Variants in LAYN observed in about 807,000 individuals in gnomAD.
LAYN encodes the protein layilin.
A neutral mutation model predicts 43.6 loss-of-function variants in LAYN; 38 were observed. That is an observed-to-expected ratio of 0.87 (90% CI 0.67 to 1.14). The LOEUF is 1.14. LAYN is among the 50% of genes most tolerant of loss of function. LAYN has a pLI of 0.00. For missense variants in LAYN, 479 were observed against 463.8 expected, an observed-to-expected ratio of 1.03 and a Z score of -0.30; for synonymous variants, 168 against 172.9, an observed-to-expected ratio of 0.97 and a Z score of 0.22.
intron 4 of LAYN, 30 bp from the exon 5 acceptor site, chr11:111,555,177 A>T (rs1565272757): frequency 1.3e-6 from 2 of 1,527,052 alleles, no homozygotes; most frequent in African/African-American, 2.7e-5. Flanking sequence ...GCCTTTCTTC[A>T]AGTTCACAAG....
rs1234683254 is a variant in LAYN at position 111,540,939 on chromosome 11, G to T, written c.85+11G>T. 3.9e-6 allele frequency: 6 copies of T among 1,529,854 alleles called. No individual in the cohort carries two copies. Among genetic ancestry groups the T allele is most frequent in the Non-Finnish European group, 4.4e-6 (5 of 1,144,274 alleles). The allele number at this position is 1,529,854 out of a possible 1,614,324, so 94.8% of individuals were successfully genotyped here. A position where few individuals can be genotyped will look rare whatever the true frequency, so the allele number is the denominator to read the frequency against. On this transcript the variant is annotated intron_variant, in intron 1 of 6. Transcript: ENST00000375614. ...GTCGCCTGCTGAGTGGTGAGTGCGC[G>T]CGCTGGGGCGGGGGCTGGTGCCGGG...
At position 111,543,752 on chromosome 11, in the gene LAYN, T is replaced by G. The variant is rs150945949; in HGVS notation, c.86-171T>G. Among the ~76,000 whole-genome samples, 2,981 of 152,340 alleles carry G rather than the reference T, an allele frequency of 0.02. 43 individuals are homozygous for G. Among genetic ancestry groups the G allele is most frequent in the Non-Finnish European group, 0.03 (2,024 of 68,028 alleles). On this transcript the variant is annotated intron_variant, in intron 1 of 6. Coordinates refer to ENST00000375614, the MANE Select transcript of LAYN (RefSeq NM_178834.5). ...CAGAGTTTAAATCACTACATCTCCA[T>G]GCTGGAAGGAGTATTAATTTGCTCT...
intron 5 of LAYN, among the ~76,000 whole-genome samples, chr11:111,556,245 G>A (rs1276616236): frequency 4.6e-5 from 7 of 152,326 alleles, no homozygotes; most frequent in Middle Eastern, 3.4e-3. Flanking sequence ...TCTGGGAGGA[G>A]TTTCCTTGTC....
In LAYN at chr11:111,556,815, C is replaced by T. The variant is rs114573177; in HGVS notation, c.659-726C>T. Among the ~76,000 whole-genome samples the T allele has an allele frequency of 7.7e-3, 1,168 of 152,250 alleles. 25 individuals are homozygous for T. The highest frequency in any genetic ancestry group is 0.026 in the African/African-American group (1,081 of 41,524). On this transcript the variant is annotated intron_variant, in intron 5 of 6. Transcript: ENST00000375614. Reference sequence around the variant, plus strand: ...CAGTGGGAGTAGGAAGAGGGTTAGCCTCCAATCCTTGATTCCTCCCAAAGC... The same window carrying T: ...CAGTGGGAGTAGGAAGAGGGTTAGCTTCCAATCCTTGATTCCTCCCAAAGC...
intron 6 of LAYN, among the ~76,000 whole-genome samples, chr11:111,558,783 A>T (rs12287039): frequency 2.2e-4 from 31 of 143,134 alleles, no homozygotes; most frequent in African/African-American, 7.9e-4. Flanking sequence ...TATTTAAAAA[A>T]ATATATATAT....
Position 111,540,828 on chromosome 11 carries a change from G to A in LAYN, c.-16G>A, listed in dbSNP as rs1026613587. On this transcript the variant is annotated 5_prime_UTR_variant, in exon 1 of 7. Coordinates refer to ENST00000375614, the MANE Select transcript of LAYN (RefSeq NM_178834.5). Reference sequence around the variant, plus strand: ...CCGTAGCGCCCGAGTGTCGGGGGGCGCACCCGAGTCGGGCCATGAGGCCGG... The same window carrying A: ...CCGTAGCGCCCGAGTGTCGGGGGGCACACCCGAGTCGGGCCATGAGGCCGG... The A allele has an allele frequency of 6.6e-7, 1 of 1,520,150 alleles. No homozygotes were observed. The highest frequency in any genetic ancestry group is 2.6e-5 in the East Asian group (1 of 39,142). 94.2% of individuals were successfully genotyped at this position (1,520,150 alleles called of 1,614,324 possible). A position where few individuals can be genotyped will look rare whatever the true frequency, so the allele number is the denominator to read the frequency against.
chr11:111,544,900 A>G, intron 2 of LAYN, among the ~76,000 whole-genome samples: 1 of 152,158 alleles, frequency 6.6e-6, no homozygotes, highest in East Asian at 1.9e-4. Flanking sequence ...ACCCCAAAAT[A>G]TAAAGAGACA....
At chr11:111,541,573 G>C (rs969746636) in intron 1 of LAYN, 1 of 1,536,244 alleles carries the variant, frequency 6.5e-7, no homozygotes, top group Admixed American at 2.0e-5. Flanking sequence ...CTCGGATTTG[G>C]ACCTCAGAGG....
chr11:111,542,432 T>C (rs1057161220), intron 1 of LAYN, among the ~76,000 whole-genome samples: 3 of 152,156 alleles, frequency 2.0e-5, no homozygotes, highest in African/African-American at 7.2e-5. Flanking sequence ...AGAGAAGAAA[T>C]AGAAAATGAA....
At chr11:111,548,834 G>A (rs1227627310) in intron 2 of LAYN, among the ~76,000 whole-genome samples, 1 of 152,156 alleles carries the variant, frequency 6.6e-6, no homozygotes, top group African/African-American at 2.4e-5. Context: ...CACATGGGGT[G>A]GGTACTCACA....
intron 5 of LAYN, among the ~76,000 whole-genome samples, chr11:111,555,592 A>G (rs1347363932): frequency 1.3e-5 from 2 of 152,216 alleles, no homozygotes; most frequent in African/African-American, 4.8e-5. Context: ...TGAGAGAGAA[A>G]ATGTAGAGAA....
At chr11:111,551,493 C>T (rs1033720860) in intron 3 of LAYN, 5 of 451,428 alleles carry the variant, frequency 1.1e-5, no homozygotes, top group African/African-American at 2.0e-5. Context: ...CACCCATGCC[C>T]AGAATAGTTT....
chr11:111,560,611 C>G lies in LAYN; in HGVS notation c.*153C>G. 1.2e-6 allele frequency: 1 copy of G among 844,950 alleles called. No individual in the cohort carries two copies. Among genetic ancestry groups the G allele is most frequent in the South Asian group, 1.9e-5 (1 of 52,766 alleles). 52.3% of individuals were successfully genotyped at this position (844,950 alleles called of 1,614,324 possible). On this transcript the variant is annotated 3_prime_UTR_variant, in exon 7 of 7. Coordinates refer to ENST00000375614, the MANE Select transcript of LAYN (RefSeq NM_178834.5). Reference sequence around the variant, plus strand: ...TGGTCCCCACGACCTCCTGTTGGACCCCCACGTTTTGGCTGTATCCTTTAT... The same window carrying G: ...TGGTCCCCACGACCTCCTGTTGGACGCCCACGTTTTGGCTGTATCCTTTAT...
At chr11:111,545,055 A>AAT (rs36063658) in intron 2 of LAYN, among the ~76,000 whole-genome samples, 9,392 of 82,442 alleles carry the variant, frequency 0.11, 881 homozygotes, top group African/African-American at 0.26. Context: ...AAATTTAACA[A>AAT]ATATATATAT....
In LAYN at chr11:111,560,647, C is replaced by T. The variant is rs1326015327; in HGVS notation, c.*189C>T. ...GGCTGTATCCTTTATCCCAGCCAGTCATCCAGCTCGACCTTATGAGAAGGT... is the reference window on the plus strand; with the variant it reads ...GGCTGTATCCTTTATCCCAGCCAGTTATCCAGCTCGACCTTATGAGAAGGT... On this transcript the variant is annotated 3_prime_UTR_variant, in exon 7 of 7. Coordinates refer to ENST00000375614, the MANE Select transcript of LAYN (RefSeq NM_178834.5). 8 of 614,408 alleles carry T rather than the reference C, an allele frequency of 1.3e-5. No homozygotes were observed. The East Asian group carries it at 2.0e-4, about 15-fold the overall frequency. The allele number at this position is 614,408 out of a possible 1,614,324, so 38.1% of individuals were successfully genotyped here. A position where few individuals can be genotyped will look rare whatever the true frequency, so the allele number is the denominator to read the frequency against.
At chr11:111,558,778 A>AAG (rs1418277387) in intron 6 of LAYN, among the ~76,000 whole-genome samples, 1 of 2,670 alleles carries the variant, frequency 3.7e-4, no homozygotes, top group African/African-American at 4.2e-4. Context: ...TATTTTATTT[A>AAG]AAAAAATATA....
chr11:111,554,711 C>A, intron 4 of LAYN, 118 bp downstream of exon 4: 1 of 873,730 alleles, frequency 1.1e-6, no homozygotes. Context: ...GTGGTATTAA[C>A]TCAGGCATTT....
intron 2 of LAYN, among the ~76,000 whole-genome samples, 177 bp downstream of exon 2, chr11:111,544,397 G>A (rs889051842): frequency 3.9e-5 from 6 of 152,236 alleles, no homozygotes; most frequent in Non-Finnish European, 8.8e-5. Flanking sequence ...ACTTAGCCTT[G>A]ATTTGGGCCC....
chr11:111,559,324 T>C (rs1867903630), intron 6 of LAYN, among the ~76,000 whole-genome samples: 1 of 152,208 alleles, frequency 6.6e-6, no homozygotes, highest in African/African-American at 2.4e-5. Flanking sequence ...CTATAATTTC[T>C]AGTAGTGATC....
Sources: allele counts gnomAD v4.1 joint callset (sites outside exome capture counted in the v4.1 genomes callset), GRCh38; gene constraint gnomAD v4.1.1; transcripts MANE v1.5; gene names NCBI Gene and HGNC (gene_info 2026-07-23, HGNC 2026-07-21).